Variants in DARS2 observed in about 807,000 individuals in gnomAD.
DARS2 encodes the protein aspartyl-tRNA synthetase 2, mitochondrial, also known as aspartate--tRNA ligase, mitochondrial.
DARS2 carries 63 observed loss-of-function variants against 83.0 expected under a neutral mutation model. That is an observed-to-expected ratio of 0.76 (90% confidence interval 0.62 to 0.94). The LOEUF (loss-of-function observed/expected upper bound fraction) is 0.94. DARS2 is among the 40% of genes least tolerant of loss of function. The pLI is 0.00. For synonymous variants in DARS2, 250 were observed against 269.3 expected, an observed-to-expected ratio of 0.93 and a Z score of 0.70; for missense variants, 675 against 774.4, an observed-to-expected ratio of 0.87 and a Z score of 1.52.
chr1:173,847,987 G>A (rs1653502965), intron 12 of DARS2, among the ~76,000 whole-genome samples: 1 of 151,740 alleles, frequency 6.6e-6, no homozygotes, highest in Admixed American at 6.6e-5. Flanking sequence ...TGACTAGCTG[G>A]GACTACAGGC....
chr1:173,831,719 A>T, intron 5 of DARS2, 89 bp downstream of exon 5: 1 of 1,064,266 alleles, frequency 9.4e-7, no homozygotes, highest in Non-Finnish European at 1.5e-6. Flanking sequence ...AGAAAAGTTT[A>T]ACTTCTACAA....
At chr1:173,844,778 ATTTTTTTTTTTTTT>A (rs1164469532) in intron 11 of DARS2, among the ~76,000 whole-genome samples, 15 of 56,838 alleles carry the variant, frequency 2.6e-4, no homozygotes, top group South Asian at 7.6e-4. Flanking sequence ...CAGAAATTGG[ATTTTTTTTTTTTTT>A]TTTTTTTTTT....
At chr1:173,842,284 C>CTTTTTTATTTTTTTTTTTT (rs1653251988) in intron 11 of DARS2, among the ~76,000 whole-genome samples, 1 of 64,224 alleles carries the variant, frequency 1.6e-5, no homozygotes, top group Non-Finnish European at 2.7e-5. Context: ...TCATTACTTT[C>CTTTTTTATTTTTTTTTTTT]TTTTTTTTTT....
intron 12 of DARS2, 101 bp from the exon 13 acceptor site, chr1:173,850,226 C>T: frequency 1.5e-6 from 2 of 1,292,486 alleles, no homozygotes; most frequent in East Asian, 2.6e-5. Flanking sequence ...TTTAAATTCT[C>T]TTCTATTGGG....
Position 173,836,939 on chromosome 1 carries a change from G to T in DARS2, c.664-1G>T. 1 of 1,610,976 alleles carries T rather than the reference G, an allele frequency of 6.2e-7. No homozygotes were observed. Among genetic ancestry groups the T allele is most frequent in the Non-Finnish European group, 8.5e-7 (1 of 1,177,260 alleles). On this transcript the variant is annotated splice_acceptor_variant, in intron 7 of 16. Transcript: ENST00000649689. LOFTEE classifies it high-confidence loss of function. ...TCTCTCTCTTTCTCTCTCTTTGAAA[G>T]GGTGCCAAAGAGTTTTTAGTACCAT...
intron 12 of DARS2, among the ~76,000 whole-genome samples, chr1:173,849,864 T>C (rs1443688834): frequency 8.1e-6 from 1 of 123,456 alleles, no homozygotes; most frequent in African/African-American, 5.3e-5. Context: ...GAAATGACTT[T>C]TTTTTTTTTT....
intron 15 of DARS2, among the ~76,000 whole-genome samples, chr1:173,855,961 T>A (rs2102664883): frequency 1.3e-5 from 2 of 152,166 alleles, no homozygotes; most frequent in Admixed American, 1.3e-4. Context: ...ACACCTGGCC[T>A]AGAATACATT....
chr1:173,829,562 G>A (rs907680311), intron 3 of DARS2, among the ~76,000 whole-genome samples: 1 of 151,928 alleles, frequency 6.6e-6, no homozygotes, highest in Non-Finnish European at 1.5e-5. Context: ...AGCAGATTGA[G>A]TACAGGAGTT....
At position 173,831,569 on chromosome 1, in the gene DARS2, A is replaced by T. The variant is rs1487551691; in HGVS notation, c.431A>T (p.Lys144Ile). 6.2e-7 allele frequency: 1 copy of T among 1,614,122 alleles called. No individual in the cohort carries two copies. ...MPTGEIEIKVKTAELLNACKK... is the reference protein window; with the variant it reads ...MPTGEIEIKVITAELLNACKK... ...ACAGGTGAGATTGAAATCAAAGTTA[A>T]AACAGCTGAGCTTCTGAATGCCTGC... Residue 144 changes from lysine (K) to isoleucine (I), a missense_variant, in exon 5 of 17, where the codon AAA (lysine) becomes ATA (isoleucine). Lys to Ile is a moderately radical substitution (Grantham distance 102, BLOSUM62 -3). Coordinates refer to ENST00000649689, the MANE Select transcript of DARS2 (RefSeq NM_018122.5).
chr1:173,853,744 A>T (rs750025124), intron 14 of DARS2, 51 bp from the exon 15 acceptor site: 1 of 1,564,096 alleles, frequency 6.4e-7, no homozygotes, highest in African/African-American at 1.4e-5. Context: ...CAACCCGTAG[A>T]ACAGAAAACC....
chr1:173,836,091 G>T (rs1272223022), intron 7 of DARS2, among the ~76,000 whole-genome samples: 2 of 150,564 alleles, frequency 1.3e-5, no homozygotes, highest in Non-Finnish European at 3.0e-5. Context: ...GCAGTGGCGG[G>T]AACCCATAAT....
chr1:173,834,743 T>G (rs28496244), intron 7 of DARS2, among the ~76,000 whole-genome samples: 29 of 132,254 alleles, frequency 2.2e-4, no homozygotes, highest in East Asian at 1.2e-3. Context: ...TTTTTTTTTT[T>G]TTTTTTTTTT....
In DARS2 at chr1:173,856,529, A is replaced by G. The variant is rs12078471; in HGVS notation, c.1675-137A>G. 13,782 of 736,362 alleles carry G rather than the reference A, an allele frequency of 0.019. 1,182 individuals are homozygous for G. In the African/African-American group the frequency reaches 0.2, roughly 11 times the overall value. 45.6% of individuals were successfully genotyped at this position (736,362 alleles called of 1,614,324 possible). A position where few individuals can be genotyped will look rare whatever the true frequency, so the allele number is the denominator to read the frequency against. Reference sequence around the variant, plus strand: ...AATTTTTTCTTTACACTTTTCCAATAAACTTTTATTATTGGTTAAGTCAGT... The same window carrying G: ...AATTTTTTCTTTACACTTTTCCAATGAACTTTTATTATTGGTTAAGTCAGT... On this transcript the variant is annotated intron_variant, in intron 15 of 16. Coordinates refer to ENST00000649689, the MANE Select transcript of DARS2 (RefSeq NM_018122.5).
At chr1:173,828,752 C>G (rs968257586) in intron 3 of DARS2, among the ~76,000 whole-genome samples, 2 of 152,086 alleles carry the variant, frequency 1.3e-5, no homozygotes, top group Admixed American at 1.3e-4. Context: ...AAAGCAGGTG[C>G]TCAATACCTG....
At chr1:173,846,736 C>T (rs1320294111) in intron 12 of DARS2, among the ~76,000 whole-genome samples, 2 of 151,880 alleles carry the variant, frequency 1.3e-5, no homozygotes, top group Non-Finnish European at 2.9e-5. Flanking sequence ...ATCGAGGCTG[C>T]AGTGAGCTGT....
Position 173,828,414 on chromosome 1 carries a change from C to T in DARS2, c.294+15C>T, listed in dbSNP as rs770002893. ...CCCAGGATGAGGTAATAGAAAATTTCCTGTTATTATCTAAAAGCTTCTTTG... is the reference window on the plus strand; with the variant it reads ...CCCAGGATGAGGTAATAGAAAATTTTCTGTTATTATCTAAAAGCTTCTTTG... On this transcript the variant is annotated intron_variant, in intron 3 of 16. Transcript: ENST00000649689. The T allele has an allele frequency of 1.2e-6, 2 of 1,603,494 alleles. No homozygotes were observed. Among genetic ancestry groups the T allele is most frequent in the Non-Finnish European group, 1.7e-6 (2 of 1,172,968 alleles).
chr1:173,842,938 T>TAAA lies in DARS2; in HGVS notation c.1128+1982_1128+1984dup, dbSNP rs532765288. ...TGAGCAACAGAGCAACACTCCATCTTAAAAAAAAAAAAAAAAAAAGTAATT... is the reference window on the plus strand; with the variant it reads ...TGAGCAACAGAGCAACACTCCATCTTAAAAAAAAAAAAAAAAAAAAAAGTAATT... On this transcript the variant is annotated intron_variant, in intron 11 of 16. Transcript: ENST00000649689. 5.0e-3 allele frequency among the ~76,000 whole-genome samples: 606 copies of TAAA among 120,212 alleles called. 8 individuals carry two copies. Among genetic ancestry groups the TAAA allele is most frequent in the African/African-American group, 0.018 (578 of 31,760 alleles). The allele number at this position is 120,212 out of a possible 152,430, so 78.9% of individuals were successfully genotyped here.
intron 6 of DARS2, 149 bp from the exon 7 acceptor site, chr1:173,834,324 G>T: frequency 1.6e-6 from 1 of 632,240 alleles, no homozygotes; most frequent in Non-Finnish European, 2.9e-6. Context: ...TAGATTTGTA[G>T]AAACCAGCAC....
At position 173,824,870 on chromosome 1, in the gene DARS2, T is replaced by A. The variant is rs2102629084; in HGVS notation, c.-360T>A. 3 of 338,894 alleles carry A rather than the reference T, an allele frequency of 8.9e-6. No individual in the cohort carries two copies. The highest frequency in any genetic ancestry group is 4.7e-5 in the South Asian group (2 of 42,414). The allele number at this position is 338,894 out of a possible 1,614,324, so 21.0% of individuals were successfully genotyped here. ...GAAGCGTGGAAAGAGGAGAAGGGCG[T>A]ATACCTTGTGACCGCCTCTGGTTGT... On this transcript the variant is annotated 5_prime_UTR_variant, in exon 1 of 17. Coordinates refer to ENST00000649689, the MANE Select transcript of DARS2 (RefSeq NM_018122.5).
Sources: allele counts gnomAD v4.1 joint callset (sites outside exome capture counted in the v4.1 genomes callset), GRCh38; gene constraint gnomAD v4.1.1; transcripts MANE v1.5; gene names NCBI Gene and HGNC (gene_info 2026-07-23, HGNC 2026-07-21).